Variants in OGG1 observed in about 807,000 individuals in gnomAD.
OGG1 encodes 8-oxoguanine DNA glycosylase.
A neutral mutation model predicts 42.3 loss-of-function variants in OGG1; 35 were observed. The ratio of observed to expected loss-of-function variants is 0.83; its 90% CI spans 0.63 to 1.10. OGG1 has a LOEUF of 1.10. OGG1 is among the 50% of genes least tolerant of loss of function. The pLI is 0.00. For missense variants in OGG1, 484 were observed against 446.7 expected (o/e 1.08, Z -0.75); for synonymous variants, 189 against 179.0 (o/e 1.06, Z -0.44).
downstream of OGG1, among the ~76,000 whole-genome samples, chr3:9,768,149 TC>T (rs2078206223): frequency 6.6e-6 from 1 of 151,974 alleles, no homozygotes; most frequent in South Asian, 2.1e-4. Flanking sequence ...GATCCCCCTG[TC>T]CCCAGAACCA....
chr3:9,788,956 C>T (rs893402060), downstream of OGG1, among the ~76,000 whole-genome samples: 3 of 152,050 alleles, frequency 2.0e-5, no homozygotes, highest in African/African-American at 7.2e-5. Context: ...CTGACTCAGC[C>T]TCCCGAGTAG....
rs761716022 is a variant in OGG1, at chr3:9,751,097, G to T, written c.290G>T (p.Arg97Leu). ...ACACCAGACGAGCTGGAGGCCGTGC[G>T]CAAGTACTTCCAGCTAGATGTTACC... Reference protein sequence around the residue: ...RPTPDELEAVRKYFQLDVTLA... With the variant: ...RPTPDELEAVLKYFQLDVTLA... The change falls in exon 2 of 7, where the codon CGC (arginine) becomes CTC (leucine). Residue 97 changes from arginine to leucine, a missense_variant. By Grantham distance (102) the Arg-to-Leu change is moderately radical. Transcript: ENST00000344629. The T allele has an allele frequency of 6.2e-7, 1 of 1,614,110 alleles. No individual in the cohort carries two copies. The highest frequency in any genetic ancestry group is 8.5e-7 in the Non-Finnish European group (1 of 1,179,992).
downstream of OGG1, chr3:9,790,008 C>G: frequency 1.3e-6 from 2 of 1,534,684 alleles, no homozygotes; most frequent in Middle Eastern, 1.8e-4. Context: ...AGGGAAAACA[C>G]AGAATATCTC....
downstream of OGG1, chr3:9,769,953 T>TCGGCTCGG (rs1322432253): frequency 6.6e-6 from 1 of 152,110 alleles, no homozygotes; most frequent in African/African-American, 2.4e-5. Context: ...GAGCTGGGGC[T>TCGGCTCGG]CGGCTCGGCT....
chr3:9,778,906 C>T (rs1437413622), intron 2 of OGG1, among the ~76,000 whole-genome samples: 2 of 152,134 alleles, frequency 1.3e-5, no homozygotes, highest in Non-Finnish European at 2.9e-5. Context: ...GCCATGTTCG[C>T]CCTCCTTCTT....
At chr3:9,762,448 C>T (rs543891877) in intron 7 of OGG1, 5 of 158,146 alleles carry the variant, frequency 3.2e-5, no homozygotes, top group East Asian at 3.8e-4. Flanking sequence ...ACAATCTCAG[C>T]TTGCTGCAAC....
chr3:9,750,536 C>T, intron 1 of OGG1, 113 bp downstream of exon 1: 2 of 1,484,958 alleles, frequency 1.3e-6, no homozygotes, highest in Non-Finnish European at 1.8e-6. Flanking sequence ...ACCCGGGGTA[C>T]AAAAGAGGAA....
downstream of OGG1, among the ~76,000 whole-genome samples, chr3:9,768,957 A>G (rs948476285): frequency 6.7e-6 from 1 of 149,850 alleles, no homozygotes; most frequent in Non-Finnish European, 1.5e-5. Context: ...ACCAAATACA[A>G]CCCTCACAGA....
downstream of OGG1, chr3:9,767,633 A>C (rs766263113): frequency 3.1e-6 from 5 of 1,613,138 alleles, no homozygotes; most frequent in South Asian, 5.5e-5. Flanking sequence ...AGCCTCCCTC[A>C]GCCATCCAGC....
downstream of OGG1, chr3:9,761,480 C>T (rs1489620785): frequency 1.9e-6 from 3 of 1,612,912 alleles, no homozygotes; most frequent in Non-Finnish European, 2.5e-6. Flanking sequence ...GCGATGACAC[C>T]TATGGACCAG....
chr3:9,787,350 A>G, intron 3 of OGG1: 1 of 1,602,742 alleles, frequency 6.2e-7, no homozygotes, highest in Non-Finnish European at 8.5e-7. Flanking sequence ...TCTGTGGAAA[A>G]GATGGCACCC....
intron 2 of OGG1, chr3:9,780,262 C>G: frequency 7.4e-7 from 1 of 1,348,266 alleles, no homozygotes. Flanking sequence ...ATTTGAGGGA[C>G]AGCCACAGGC....
rs773506676 is a variant in OGG1 at position 9,751,914 on chromosome 3, C to T, written c.530C>T (p.Thr177Ile). 8 of 1,614,198 alleles carry T rather than the reference C, an allele frequency of 5.0e-6. No individual in the cohort carries two copies. The East Asian group carries it at 1.6e-4, about 31-fold the overall frequency. ...CGGCTCATCCAGCTTGATGATGTCA[C>T]CTACCATGGCTTCCCCAGCCTGCAG... ...GPRLIQLDDV[T>I]YHGFPSLQAL... Residue 177 changes from threonine to isoleucine, a missense_variant, in exon 3 of 7, where the codon ACC becomes ATC. Transcript: ENST00000344629.
chr3:9,751,787 C>T lies in OGG1; in HGVS notation c.403C>T (p.Gln135Ter). The T allele has an allele frequency of 1.2e-6, 2 of 1,614,220 alleles. No homozygotes were observed. Among genetic ancestry groups the T allele is most frequent in the Non-Finnish European group, 1.7e-6 (2 of 1,180,036 alleles). ...GTCTCCAGGTGTGCGACTGCTGCGA[C>T]AAGACCCCATCGAATGCCTTTTCTC... ...QKFQGVRLLR[Q>*]DPIECLFSFI... The change falls in exon 3 of 7, where the codon CAA becomes TAA. Residue 135 changes from glutamine to a stop codon, truncating the protein, a stop_gained. Coordinates refer to ENST00000344629, the MANE Select transcript of OGG1 (RefSeq NM_002542.6). LOFTEE classifies it high-confidence loss of function.
rs908121043 is a variant in OGG1, at chr3:9,757,118, C to A, written c.1006C>A (p.Arg336Ser). The change falls in exon 7 of 7, where the codon CGC becomes AGC. Residue 336 changes from arginine to serine, a missense_variant. Coordinates refer to ENST00000344629, the MANE Select transcript of OGG1 (RefSeq NM_002542.6). The surrounding 1 kb of genome is among the most constrained non-coding windows in gnomAD (Gnocchi z 4.5). ...SRHAQEPPAKRRKGSKGPEG is the reference protein window; with the variant it reads ...SRHAQEPPAKSRKGSKGPEG Reference sequence around the variant, plus strand: ...CCATGCTCAGGAGCCACCAGCAAAGCGCAGAAAGGGTTCCAAAGGGCCGGA... The same window carrying A: ...CCATGCTCAGGAGCCACCAGCAAAGAGCAGAAAGGGTTCCAAAGGGCCGGA... 1 of 1,614,016 alleles carries A rather than the reference C, an allele frequency of 6.2e-7. No homozygotes were observed. The highest frequency in any genetic ancestry group is 2.2e-5 in the East Asian group (1 of 44,898).
intron 2 of OGG1, among the ~76,000 whole-genome samples, chr3:9,776,420 C>T (rs1393221510): frequency 4.5e-4 from 59 of 131,360 alleles, no homozygotes; most frequent in African/African-American, 1.1e-3. Flanking sequence ...GATGAAGTCT[C>T]GCTCTGTTAC....
intron 3 of OGG1, chr3:9,787,370 T>C (rs746773786): frequency 3.2e-6 from 5 of 1,587,016 alleles, no homozygotes; most frequent in East Asian, 2.2e-5. Context: ...CAACCCTGAG[T>C]GGGTAAGCAC....
At chr3:9,781,312 AACAC>A (rs141783227) in intron 2 of OGG1, among the ~76,000 whole-genome samples, 5 of 151,100 alleles carry the variant, frequency 3.3e-5, no homozygotes, top group South Asian at 2.1e-4. Flanking sequence ...CACACACACA[AACAC>A]ACACACACAG....
chr3:9,761,684 A>G (rs777236576), downstream of OGG1: 1 of 1,614,138 alleles, frequency 6.2e-7, no homozygotes, highest in Non-Finnish European at 8.5e-7. Context: ...CGGGTCCTCC[A>G]TCTTGGAGAG....
Sources: gnomAD v4.1 joint callset for allele counts (sites outside exome capture counted in the v4.1 genomes callset) on GRCh38, gnomAD v4.1.1 for gene constraint, Gnocchi (gnomAD v3.1) non-coding constraint, MANE v1.5 for transcripts, NCBI Gene and HGNC (gene_info 2026-07-23, HGNC 2026-07-21) for gene names.